GLIS3: variants seen among roughly 807,000 people sequenced by gnomAD.
GLIS3 encodes the protein GLIS family zinc finger 3, also known as zinc finger protein GLIS3.
A neutral mutation model predicts 78.6 loss-of-function variants in GLIS3; 53 were observed. The ratio of observed to expected loss-of-function variants is 0.67; its 90% CI spans 0.54 to 0.85. The LOEUF is 0.85. Among genes scored for constraint, GLIS3 ranks in the 40% least tolerant of loss-of-function variants. GLIS3 has a pLI of 0.00. For missense variants in GLIS3, 1,703 were observed against 1,231.1 expected, an observed-to-expected ratio of 1.38 and a Z score of -5.74; for synonymous variants, 684 against 509.9, an observed-to-expected ratio of 1.34 and a Z score of -4.60.
At chr9:4,463,411 T>C in the GLIS3 span, among the ~76,000 whole-genome samples, 2 of 152,316 alleles carry the variant, frequency 1.3e-5, no homozygotes, top group East Asian at 3.9e-4. Flanking sequence ...TATCTCTTCA[T>C]GCTCTCTCAC....
At chr9:3,971,999 G>C (rs541719615) in intron 4 of GLIS3, among the ~76,000 whole-genome samples, 1 of 152,226 alleles carries the variant, frequency 6.6e-6, no homozygotes, top group Non-Finnish European at 1.5e-5. Flanking sequence ...GGTCCAAGAA[G>C]GGGCTTTTGT....
At chr9:4,069,948 G>A (rs1827447339) in intron 4 of GLIS3, among the ~76,000 whole-genome samples, 1 of 152,016 alleles carries the variant, frequency 6.6e-6, no homozygotes, top group African/African-American at 2.4e-5. Flanking sequence ...TTCTCCAGCT[G>A]TCCCTGACAT....
At chr9:4,440,079 T>A in the GLIS3 span, among the ~76,000 whole-genome samples, 120 of 152,372 alleles carry the variant, frequency 7.9e-4, no homozygotes, top group African/African-American at 2.7e-3. Context: ...TCCTTTTATA[T>A]TTTGGATATC....
intron 2 of GLIS3, among the ~76,000 whole-genome samples, chr9:4,186,107 G>A (rs1023736439): frequency 2.6e-5 from 4 of 150,994 alleles, no homozygotes; most frequent in African/African-American, 4.9e-5. Flanking sequence ...ACATTAACTC[G>A]TCATTTAGCA....
chr9:3,897,560 G>A (rs1302360198), intron 7 of GLIS3, among the ~76,000 whole-genome samples: 1 of 151,994 alleles, frequency 6.6e-6, no homozygotes, highest in Non-Finnish European at 1.5e-5. Flanking sequence ...ACCCTTCTTC[G>A]TCTCATCTCC....
intron 4 of GLIS3, among the ~76,000 whole-genome samples, chr9:3,969,960 A>G (rs955270366): frequency 6.6e-6 from 1 of 152,218 alleles, no homozygotes; most frequent in East Asian, 1.9e-4. Flanking sequence ...TTGGTGGACA[A>G]ATGCTACCTA....
At chr9:4,310,762 A>T (rs1817339499) in intron 2 of GLIS3, among the ~76,000 whole-genome samples, 1 of 152,150 alleles carries the variant, frequency 6.6e-6, no homozygotes, top group African/African-American at 2.4e-5. Context: ...TTTTTTGGGA[A>T]GGTGATGAGG....
At chr9:3,909,980 A>G (rs1824022159) in intron 6 of GLIS3, among the ~76,000 whole-genome samples, 1 of 152,236 alleles carries the variant, frequency 6.6e-6, no homozygotes, top group South Asian at 2.1e-4. Flanking sequence ...GCACAGCACT[A>G]CTGCATACCA....
At chr9:4,289,773 C>G (rs1299704327) in intron 1 of GLIS3, among the ~76,000 whole-genome samples, 2 of 152,072 alleles carry the variant, frequency 1.3e-5, no homozygotes, top group Non-Finnish European at 2.9e-5. Flanking sequence ...ACATTGGTTC[C>G]TACAATGAAA....
chr9:4,168,004 C>T (rs112165911), intron 2 of GLIS3, among the ~76,000 whole-genome samples: 1 of 152,226 alleles, frequency 6.6e-6, no homozygotes, highest in African/African-American at 2.4e-5. Context: ...GAGGAGCACC[C>T]TGGCCTAGGG....
At chr9:3,978,486 A>ATATATGGTATATATATATGGT (rs1242664174) in intron 4 of GLIS3, among the ~76,000 whole-genome samples, 1 of 151,578 alleles carries the variant, frequency 6.6e-6, no homozygotes, top group African/African-American at 2.4e-5. Context: ...TTTCCATATC[A>ATATATGGTATATATATATGGT]ATAAATATAT....
chr9:4,252,801 AC>A (rs1398475495), intron 2 of GLIS3, among the ~76,000 whole-genome samples: 3 of 151,898 alleles, frequency 2.0e-5, no homozygotes, highest in Non-Finnish European at 4.4e-5. Flanking sequence ...TTTTGTGTGG[AC>A]GTCCTTTTTG....
At chr9:4,459,990 A>G in the GLIS3 span, among the ~76,000 whole-genome samples, 1 of 152,250 alleles carries the variant, frequency 6.6e-6, no homozygotes, top group African/African-American at 2.4e-5. Context: ...GTAGAATAAT[A>G]GAGGCACACT....
the GLIS3 span, among the ~76,000 whole-genome samples, chr9:4,369,199 A>G: frequency 1.3e-5 from 2 of 152,078 alleles, no homozygotes; most frequent in African/African-American, 4.8e-5. Context: ...ATAATGTCTG[A>G]TGGATTACTC....
At chr9:4,300,638 T>A (rs532720686), upstream of GLIS3, among the ~76,000 whole-genome samples, 85 of 152,018 alleles carry the variant, frequency 5.6e-4, no homozygotes, top group Non-Finnish European at 1.1e-3. Flanking sequence ...TGGAGGTATA[T>A]TCCCTGCGTA....
chr9:4,293,528 ACT>A (rs1398245596), intron 1 of GLIS3, among the ~76,000 whole-genome samples: 2 of 152,220 alleles, frequency 1.3e-5, no homozygotes, highest in Non-Finnish European at 2.9e-5. Flanking sequence ...TCTGTGAATG[ACT>A]CAGCCAAGTT....
At chr9:4,132,566 G>A (rs949325765) in intron 2 of GLIS3, among the ~76,000 whole-genome samples, 3 of 152,018 alleles carry the variant, frequency 2.0e-5, no homozygotes, top group Admixed American at 6.5e-5. Flanking sequence ...GTTATTGTTC[G>A]TTATCTGACA....
the GLIS3 span, among the ~76,000 whole-genome samples, chr9:4,407,570 C>T: frequency 6.6e-6 from 1 of 152,224 alleles, no homozygotes; most frequent in African/African-American, 2.4e-5. Flanking sequence ...TGGCGAGAAC[C>T]CGGGAGGCGG....
chr9:4,320,681 C>A (rs529823954), intron 2 of GLIS3, among the ~76,000 whole-genome samples: 19 of 152,162 alleles, frequency 1.2e-4, no homozygotes, highest in African/African-American at 4.3e-4. Context: ...ATCACCACCG[C>A]CATCACCACA....
Sources: allele counts gnomAD v4.1 joint callset (sites outside exome capture counted in the v4.1 genomes callset), GRCh38; gene constraint gnomAD v4.1.1; transcripts MANE v1.5; gene names NCBI Gene and HGNC (gene_info 2026-07-23, HGNC 2026-07-21).